Variants in ARAP2 observed in about 807,000 individuals in gnomAD.
ARAP2 encodes ArfGAP with RhoGAP domain, ankyrin repeat and PH domain 2.
In ARAP2, 148 loss-of-function variants were observed where a neutral mutation model predicts 194.5. The ratio of observed to expected loss-of-function variants is 0.76; its 90% CI spans 0.67 to 0.87. The LOEUF is 0.87. Ranked by LOEUF, ARAP2 falls within the 40% of genes least tolerant of loss-of-function variation. ARAP2 has a pLI of 0.00. For synonymous variants in ARAP2, 695 were observed against 683.5 expected, an observed-to-expected ratio of 1.02 and a Z score of -0.26; for missense variants, 2,128 against 1,989.7, an observed-to-expected ratio of 1.07 and a Z score of -1.32.
At chr4:36,070,414 G>GAGC (rs972255506) in intron 32 of ARAP2, among the ~76,000 whole-genome samples, 9 of 152,236 alleles carry the variant, frequency 5.9e-5, no homozygotes, top group Non-Finnish European at 1.0e-4. Flanking sequence ...GAAAGTGGAA[G>GAGC]AGCAAGAGAT....
intron 8 of ARAP2, among the ~76,000 whole-genome samples, chr4:36,186,919 TA>T (rs1170926232): frequency 3.3e-5 from 5 of 152,200 alleles, no homozygotes; most frequent in Non-Finnish European, 5.9e-5. Flanking sequence ...TACTACAATG[TA>T]ATAATAACAG....
rs772038867 is a variant in ARAP2, at chr4:36,117,109, A to G, written c.3990T>C (p.Ile1330=). The G allele has an allele frequency of 3.1e-6, 5 of 1,600,034 alleles. No individual in the cohort carries two copies. In the African/African-American group the frequency reaches 6.8e-5, roughly 22 times the overall value. The part of the protein sequence containing the change: ...TQVSQAGDLL[I]EVYVERKEPD... ...GTTCCTTCCTTTCTACATATACTTC[A>G]ATTAACAAATCTCCAGCCTGGGAAA... Residue 1330 remains isoleucine, a synonymous_variant, in exon 25 of 33, where the codon ATT becomes ATC. Transcript: ENST00000303965.
intron 9 of ARAP2, chr4:36,012,508 T>G (rs1714751892): frequency 6.6e-6 from 1 of 152,218 alleles, no homozygotes; most frequent in Non-Finnish European, 1.5e-5. Context: ...ATTTTCTGCA[T>G]AGCTTGTCCT....
chr4:36,145,266 G>A (rs1037734366), intron 19 of ARAP2, among the ~76,000 whole-genome samples: 18 of 151,886 alleles, frequency 1.2e-4, no homozygotes, highest in Middle Eastern at 3.2e-3. Context: ...GAGTAAAGAC[G>A]TGGAATCAAC....
intron 1 of ARAP2, chr4:36,243,675 A>C (rs747690488): frequency 2.6e-5 from 4 of 152,222 alleles, no homozygotes; most frequent in African/African-American, 4.8e-5. Context: ...AAGAAAGATC[A>C]ATCTGGTAAA....
At chr4:36,022,446 T>C (rs868241483) in intron 5 of ARAP2, among the ~76,000 whole-genome samples, 16 of 152,158 alleles carry the variant, frequency 1.1e-4, no homozygotes, top group Admixed American at 6.6e-4. Context: ...CAGATACTTA[T>C]GCTTTCAGCG....
chr4:36,216,581 C>G (rs1747978968), intron 2 of ARAP2, among the ~76,000 whole-genome samples: 1 of 152,000 alleles, frequency 6.6e-6, no homozygotes, highest in African/African-American at 2.4e-5. Flanking sequence ...ATATTGAAAA[C>G]AGATGTTCAC....
chr4:36,213,385 A>G, intron 3 of ARAP2, 66 bp from the exon 4 acceptor site: 1 of 1,231,672 alleles, frequency 8.1e-7, no homozygotes, highest in Non-Finnish European at 1.2e-6. Context: ...TTTTTAAAAA[A>G]AGATTAAAAG....
chr4:36,237,608 C>G (rs1752688189), intron 1 of ARAP2, among the ~76,000 whole-genome samples: 1 of 152,186 alleles, frequency 6.6e-6, no homozygotes, highest in Non-Finnish European at 1.5e-5. Context: ...GCTAGCTTCC[C>G]CTTTGCCTTC....
At chr4:36,186,161 C>A (rs35564182) in intron 8 of ARAP2, among the ~76,000 whole-genome samples, 1 of 151,998 alleles carries the variant, frequency 6.6e-6, no homozygotes, top group East Asian at 1.9e-4. Flanking sequence ...ATATCTATTC[C>A]TAAATAAAAG....
intron 8 of ARAP2, among the ~76,000 whole-genome samples, chr4:36,014,328 A>AGG (rs1715326718): frequency 2.5e-5 from 1 of 39,290 alleles, no homozygotes; most frequent in Non-Finnish European, 5.8e-5. Flanking sequence ...GAAAGAGAGA[A>AGG]AGAAAGAAAG....
At chr4:36,020,739 G>A (rs1356989289) in intron 5 of ARAP2, among the ~76,000 whole-genome samples, 2 of 152,218 alleles carry the variant, frequency 1.3e-5, no homozygotes, top group Non-Finnish European at 2.9e-5. Context: ...ACTGCAGAGT[G>A]GGTGATGGAA....
At chr4:36,010,272 A>G (rs2109307097) in intron 9 of ARAP2, among the ~76,000 whole-genome samples, 1 of 151,850 alleles carries the variant, frequency 6.6e-6, no homozygotes, top group Non-Finnish European at 1.5e-5. Flanking sequence ...ATATAAATAA[A>G]TATACATCAC....
chr4:36,127,849 A>G (rs1417350104), intron 21 of ARAP2, among the ~76,000 whole-genome samples: 6 of 151,972 alleles, frequency 3.9e-5, no homozygotes, highest in African/African-American at 1.4e-4. Flanking sequence ...AAGTAGCTTC[A>G]GTAAAAAGGT....
At chr4:36,219,441 T>C (rs891900918) in intron 2 of ARAP2, among the ~76,000 whole-genome samples, 3 of 152,212 alleles carry the variant, frequency 2.0e-5, no homozygotes, top group African/African-American at 7.2e-5. Context: ...TCCATTTATA[T>C]AAAATTCCCA....
chr4:36,033,371 G>C (rs1294297624), intron 5 of ARAP2, among the ~76,000 whole-genome samples: 3 of 151,966 alleles, frequency 2.0e-5, no homozygotes, highest in Non-Finnish European at 4.4e-5. Flanking sequence ...TATCTCATGT[G>C]GTTTTGATTT....
chr4:36,227,999 T>C (rs1285353414), intron 2 of ARAP2, among the ~76,000 whole-genome samples: 1 of 152,084 alleles, frequency 6.6e-6, no homozygotes, highest in East Asian at 1.9e-4. Context: ...AGAGGTCTCA[T>C]CTCTAGTGAG....
chr4:36,202,171 ATTTATT>A (rs1046461059), intron 6 of ARAP2, among the ~76,000 whole-genome samples: 47 of 152,190 alleles, frequency 3.1e-4, no homozygotes, highest in African/African-American at 1.1e-3. Flanking sequence ...CTCCATACGT[ATTTATT>A]TTTATTTATC....
intron 9 of ARAP2, among the ~76,000 whole-genome samples, chr4:36,168,516 G>A (rs537738897): frequency 6.6e-6 from 1 of 151,990 alleles, no homozygotes; most frequent in African/African-American, 2.4e-5. Flanking sequence ...ATGTGTTCCC[G>A]GCTTATAAAG....
Sources: gnomAD v4.1 joint callset for allele counts (sites outside exome capture counted in the v4.1 genomes callset) on GRCh38, gnomAD v4.1.1 for gene constraint, MANE v1.5 for transcripts, NCBI Gene and HGNC (gene_info 2026-07-23, HGNC 2026-07-21) for gene names.